The following USPL1 variants were observed in gnomAD, a reference collection of about 807,000 sequenced individuals.
USPL1 encodes the protein ubiquitin specific peptidase like 1, also known as SUMO-specific isopeptidase USPL1.
In USPL1, 27 loss-of-function variants were observed where a neutral mutation model predicts 51.5. That is an observed-to-expected ratio of 0.52 (90% CI 0.39 to 0.72). The LOEUF (loss-of-function observed/expected upper bound fraction) is 0.72. Among genes scored for constraint, USPL1 ranks in the 30% least tolerant of loss-of-function variants. The pLI, the probability that USPL1 is intolerant of heterozygous loss-of-function variation, is 0.00. For missense variants in USPL1, 1,226 were observed against 1,268.0 expected, an observed-to-expected ratio of 0.97 and a Z score of 0.50; for synonymous variants, 451 against 459.6, an observed-to-expected ratio of 0.98 and a Z score of 0.24.
At position 30,658,255 on chromosome 13, in the gene USPL1, GA is replaced by G; in HGVS notation, c.2184del (p.Glu729LysfsTer19). 1 of 1,611,966 alleles carries G rather than the reference GA, an allele frequency of 6.2e-7. No individual in the cohort carries two copies. The highest frequency in any genetic ancestry group is 8.5e-7 in the Non-Finnish European group (1 of 1,179,558). ...TCACATCTCAGGTATCTAATTTGAA[GA>G]AAAAAGAAACTACAGCAGATTCTCA... Reference protein sequence around the residue: ...RVTSQVSNLKKKETTADSQTT... With the variant: ...RVTSQVSNLKXKETTADSQTT... On this transcript the variant is annotated frameshift_variant, in exon 9 of 9. Coordinates refer to ENST00000255304, the MANE Select transcript of USPL1 (RefSeq NM_005800.5). LOFTEE classifies it low-confidence loss of function (END_TRUNC).
chr13:30,648,046 C>T (rs150644224), intron 7 of USPL1, among the ~76,000 whole-genome samples: 8 of 152,294 alleles, frequency 5.3e-5, no homozygotes, highest in African/African-American at 1.9e-4. Context: ...CACACCAACA[C>T]CTGGGCCCCA....
rs141938647 is a variant in USPL1 at position 30,622,105 on chromosome 13, T to C, written c.228+213T>C. Among the ~76,000 whole-genome samples, 561 of 152,188 alleles carry C rather than the reference T, an allele frequency of 3.7e-3. 2 individuals carry two copies. The highest frequency in any genetic ancestry group is 0.012 in the African/African-American group (496 of 41,564). On this transcript the variant is annotated intron_variant, in intron 3 of 8. Transcript: ENST00000255304. ...TGTTCGTTTTTATTGCCATTTGATT[T>C]GCGAGAGGAGAAAATACATTTCAAG...
chr13:30,633,029 A>G (rs1443186616), intron 4 of USPL1, among the ~76,000 whole-genome samples: 1 of 152,052 alleles, frequency 6.6e-6, no homozygotes, highest in African/African-American at 2.4e-5. Flanking sequence ...CATTATCTGA[A>G]ATGTGTTTCA....
At chr13:30,620,191 G>A (rs1036922255) in intron 1 of USPL1, among the ~76,000 whole-genome samples, 1 of 152,184 alleles carries the variant, frequency 6.6e-6, no homozygotes, top group East Asian at 1.9e-4. Context: ...TGAATTGTGA[G>A]CCATCGATTC....
At position 30,621,322 on chromosome 13, in the gene USPL1, C is replaced by T. The variant is rs373688059; in HGVS notation, c.99+83C>T. 697 of 1,006,932 alleles carry T rather than the reference C, an allele frequency of 6.9e-4. 1 individual carries two copies. The highest frequency in any genetic ancestry group is 1.6e-3 in the Admixed American group (60 of 38,080). The allele number at this position is 1,006,932 out of a possible 1,614,324, so 62.4% of individuals were successfully genotyped here. ...GACTTAAATTCAATTTTGATGTTAC[C>T]AGTTAACTTCTAAAAAATTGTGTCT... On this transcript the variant is annotated intron_variant, in intron 2 of 8. Coordinates refer to ENST00000255304, the MANE Select transcript of USPL1 (RefSeq NM_005800.5).
chr13:30,645,179 TATAA>T lies in USPL1; in HGVS notation c.1113-1748_1113-1745del, dbSNP rs556470126. ...TAATCACTACCTGGGTTTTAAATAA[TATAA>T]ATAACCTTGCTGATTAAAATCAGCT... is the stretch of plus-strand genomic sequence containing the variant. On this transcript the variant is annotated intron_variant, in intron 6 of 8. Coordinates refer to ENST00000255304, the MANE Select transcript of USPL1 (RefSeq NM_005800.5). Among the ~76,000 whole-genome samples the T allele has an allele frequency of 5.8e-4, 88 of 152,324 alleles. No individual in the cohort carries two copies. The South Asian group carries it at 7.7e-3, about 13-fold the overall frequency.
At chr13:30,625,450 T>TG (rs201893837) in intron 3 of USPL1, among the ~76,000 whole-genome samples, 36 of 145,120 alleles carry the variant, frequency 2.5e-4, no homozygotes, top group Admixed American at 2.7e-4. Context: ...TTTTGTTTTT[T>TG]TTTTTTTTTT....
chr13:30,631,426 A>C lies in USPL1; in HGVS notation c.820A>C (p.Asn274His). ...SIFWRLLTKYNQANTLLYTSQ... is the reference protein window; with the variant it reads ...SIFWRLLTKYHQANTLLYTSQ... The stretch of plus-strand genomic sequence containing the variant: ...ATTCTGGCGGTTGCTTACAAAATAT[A>C]ATCAAGCAAATACACTTCTATATAC... The change falls in exon 4 of 9, where the codon AAT becomes CAT. Residue 274 changes from asparagine (N) to histidine (H), a missense_variant. By Grantham distance (68) the Asn-to-His change is moderately conservative. Coordinates refer to ENST00000255304, the MANE Select transcript of USPL1 (RefSeq NM_005800.5). 1 of 1,614,214 alleles carries C rather than the reference A, an allele frequency of 6.2e-7. No individual in the cohort carries two copies. The highest frequency in any genetic ancestry group is 2.2e-5 in the East Asian group (1 of 44,894).
chr13:30,633,392 T>A (rs1950833356), intron 4 of USPL1, among the ~76,000 whole-genome samples: 5 of 152,126 alleles, frequency 3.3e-5, no homozygotes, highest in Admixed American at 3.3e-4. Flanking sequence ...CCCTCTCAGA[T>A]AATGGGGGAT....
rs371324715 is a variant in USPL1, at chr13:30,657,771, C to T, written c.1694C>T (p.Ala565Val). Residue 565 changes from alanine (A) to valine (V), a missense_variant, in exon 9 of 9, where the codon GCT becomes GTT. Transcript: ENST00000255304. ...VAPRTLSQDT[A>V]VTHGDHLLSG... ...CCTCGTACTCTTTCACAGGACACAG[C>T]TGTAACTCATGGAGATCATTTACTT... The T allele has an allele frequency of 1.4e-5, 22 of 1,614,018 alleles. No homozygotes were observed. The African/African-American group carries it at 2.5e-4, about 19-fold the overall frequency.
chr13:30,624,177 G>T (rs1166145113), intron 3 of USPL1, among the ~76,000 whole-genome samples: 5 of 152,160 alleles, frequency 3.3e-5, no homozygotes, highest in Non-Finnish European at 4.4e-5. Flanking sequence ...TTGGATTATA[G>T]GATACCCATT....
rs376381547 is a variant in USPL1 at position 30,658,550 on chromosome 13, A to G, written c.2473A>G (p.Ile825Val). 6.2e-6 allele frequency: 10 copies of G among 1,613,996 alleles called. No homozygotes were observed. Among genetic ancestry groups the G allele is most frequent in the African/African-American group, 4.0e-5 (3 of 74,942 alleles). Reference protein sequence around the residue: ...ARKSASKPPPISKPPAGPPSS... With the variant: ...ARKSASKPPPVSKPPAGPPSS... ...TAAGAGTGCAAGTAAGCCTCCTCCC[A>G]TCAGTAAGCCACCAGCAGGCCCTCC... The change falls in exon 9 of 9, where the codon ATC becomes GTC. Residue 825 changes from isoleucine (I) to valine (V), a missense_variant. By Grantham distance (29) the Ile-to-Val change is conservative. Transcript: ENST00000255304.
chr13:30,642,474 TC>T (rs752171721), intron 5 of USPL1, among the ~76,000 whole-genome samples, 153 bp from the exon 6 acceptor site: 4 of 152,178 alleles, frequency 2.6e-5, no homozygotes, highest in African/African-American at 7.2e-5. Context: ...TTTATAAACT[TC>T]CCCTCTCCCA....
intron 3 of USPL1, among the ~76,000 whole-genome samples, chr13:30,628,580 T>A (rs1244297871): frequency 1.3e-5 from 2 of 152,148 alleles, no homozygotes; most frequent in Non-Finnish European, 2.9e-5. Context: ...GATGTTCCCC[T>A]CTCTGTGTCC....
chr13:30,659,942 G>A lies in USPL1; in HGVS notation c.*586G>A, dbSNP rs1390093586. 6.6e-6 allele frequency: 1 copy of A among 152,246 alleles called. No individual in the cohort carries two copies. 9.4% of individuals were successfully genotyped at this position (152,246 alleles called of 1,614,324 possible). A position where few individuals can be genotyped will look rare whatever the true frequency, so the allele number is the denominator to read the frequency against. Reference sequence around the variant, plus strand: ...GCAGAGAAAAGGCCCTGGAGAGGGTGACTCCTCTCAGCTCTCAGCAGAGAA... The same window carrying A: ...GCAGAGAAAAGGCCCTGGAGAGGGTAACTCCTCTCAGCTCTCAGCAGAGAA... On this transcript the variant is annotated 3_prime_UTR_variant, in exon 9 of 9. Coordinates refer to ENST00000255304, the MANE Select transcript of USPL1 (RefSeq NM_005800.5).
At chr13:30,620,670 G>A (rs1950634846) in intron 1 of USPL1, among the ~76,000 whole-genome samples, 1 of 152,178 alleles carries the variant, frequency 6.6e-6, no homozygotes, top group Admixed American at 6.5e-5. Context: ...TTTTGTTCCT[G>A]TCAAATAGTG....
chr13:30,647,926 C>G (rs1334385219), intron 7 of USPL1, among the ~76,000 whole-genome samples: 3 of 152,180 alleles, frequency 2.0e-5, no homozygotes, highest in Admixed American at 1.3e-4. Flanking sequence ...CAGGTATCTA[C>G]TTTAAACCTT....
At position 30,630,976 on chromosome 13, in the gene USPL1, A is replaced by G; in HGVS notation, c.370A>G (p.Lys124Glu). Residue 124 changes from lysine (K) to glutamate (E), a missense_variant, in exon 4 of 9, where the codon AAG becomes GAG. Coordinates refer to ENST00000255304, the MANE Select transcript of USPL1 (RefSeq NM_005800.5). ...KDSLLLANSK[K>E]TRNYIAIDGG... ...TTCACTTCTTTTAGCAAATTCCAAA[A>G]AGACTAGAAATTATATTGCTATTGA... 6.2e-7 allele frequency: 1 copy of G among 1,614,130 alleles called. No individual in the cohort carries two copies. The highest frequency in any genetic ancestry group is 8.5e-7 in the Non-Finnish European group (1 of 1,180,040).
At position 30,621,222 on chromosome 13, in the gene USPL1, GTGGGGTATT is replaced by G. The variant is rs752735705; in HGVS notation, c.87_95del (p.Tyr30_Gly32del). On this transcript the variant is annotated inframe_deletion, in exon 2 of 9. Transcript: ENST00000255304. ...TATAGGGATATCTTCACTCCACATG[GTGGGGTATT>G]TGGGAAAAGTTAGTGAACTTATTTT... 6.3e-7 allele frequency: 1 copy of G among 1,591,850 alleles called. No individual in the cohort carries two copies. Among genetic ancestry groups the G allele is most frequent in the Admixed American group, 1.8e-5 (1 of 55,932 alleles).
Sources: gnomAD v4.1 joint callset for allele counts (sites outside exome capture counted in the v4.1 genomes callset) on GRCh38, gnomAD v4.1.1 for gene constraint, MANE v1.5 for transcripts, NCBI Gene and HGNC (gene_info 2026-07-23, HGNC 2026-07-21) for gene names.